The following USP47 variants were observed in gnomAD, a reference collection of about 807,000 sequenced individuals.
USP47 encodes ubiquitin carboxyl-terminal hydrolase 47.
In USP47, 35 loss-of-function variants were observed where a neutral mutation model predicts 165.1. The observed-to-expected ratio is 0.21, with a 90% CI of 0.16 to 0.28. USP47 has a LOEUF of 0.28. USP47 is among the 10% of genes least tolerant of loss of function. The pLI is 1.00. For missense variants in USP47, 1,277 were observed against 1,607.4 expected, an observed-to-expected ratio of 0.79 and a Z score of 3.52; for synonymous variants, 531 against 544.5, an observed-to-expected ratio of 0.98 and a Z score of 0.35.
At chr11:11,874,457 C>T (rs1249466308) in intron 1 of USP47, among the ~76,000 whole-genome samples, 2 of 151,554 alleles carry the variant, frequency 1.3e-5, no homozygotes, top group African/African-American at 4.9e-5. Context: ...AAGGGAGTAT[C>T]TTAAAAATAA....
chr11:11,867,213 A>G (rs1331025073), intron 1 of USP47, among the ~76,000 whole-genome samples: 1 of 152,132 alleles, frequency 6.6e-6, no homozygotes, highest in Non-Finnish European at 1.5e-5. Flanking sequence ...GACTACATGT[A>G]AATTCTTCTC....
intron 1 of USP47, among the ~76,000 whole-genome samples, chr11:11,866,793 T>C (rs1487508945): frequency 6.6e-6 from 1 of 152,206 alleles, no homozygotes; most frequent in Non-Finnish European, 1.5e-5. Flanking sequence ...GCTCCAGTCT[T>C]ATGGCCCACA....
chr11:11,870,087 T>C (rs1298836200), intron 1 of USP47, among the ~76,000 whole-genome samples: 1 of 151,750 alleles, frequency 6.6e-6, no homozygotes, highest in Non-Finnish European at 1.5e-5. Context: ...TTTTTTCCCC[T>C]CTGTTATCTT....
intron 8 of USP47, among the ~76,000 whole-genome samples, chr11:11,919,213 A>G (rs1853646705): frequency 2.0e-5 from 3 of 151,984 alleles, no homozygotes; most frequent in African/African-American, 4.8e-5. Flanking sequence ...TTTTGCAACT[A>G]CGACCATTAA....
intron 3 of USP47, among the ~76,000 whole-genome samples, chr11:11,891,585 A>T (rs966140759): frequency 6.6e-6 from 1 of 152,184 alleles, no homozygotes; most frequent in Non-Finnish European, 1.5e-5. Flanking sequence ...TGCTGCTTTT[A>T]TGTCCCTTAA....
intron 8 of USP47, 107 bp from the exon 9 acceptor site, chr11:11,920,049 C>A: frequency 1.3e-6 from 1 of 779,034 alleles, no homozygotes; most frequent in Non-Finnish European, 1.8e-6. Context: ...TCCTAAATTT[C>A]TAACCATTCT....
At chr11:11,860,159 A>T (rs961267913) in intron 1 of USP47, among the ~76,000 whole-genome samples, 19 of 132,184 alleles carry the variant, frequency 1.4e-4, no homozygotes, top group South Asian at 4.3e-4. Flanking sequence ...TTATTTATTT[A>T]TTTTTTTGAG....
chr11:11,895,825 C>T (rs1015220112), intron 4 of USP47, among the ~76,000 whole-genome samples: 1 of 152,082 alleles, frequency 6.6e-6, no homozygotes, highest in East Asian at 1.9e-4. Context: ...TTTGATTTCT[C>T]CTTCTTTAGT....
chr11:11,909,428 A>G (rs1341315110), intron 8 of USP47, among the ~76,000 whole-genome samples: 2 of 152,198 alleles, frequency 1.3e-5, no homozygotes, highest in African/African-American at 4.8e-5. Flanking sequence ...CTAGTAATAC[A>G]TAGAAATTAG....
chr11:11,954,777 T>C, intron 25 of USP47, 120 bp from the exon 26 acceptor site: 1 of 1,187,466 alleles, frequency 8.4e-7, no homozygotes, highest in African/African-American at 1.5e-5. Flanking sequence ...TTTTTCTTAA[T>C]TTTTTTACAT....
At chr11:11,931,331 T>C (rs1264764773) in intron 14 of USP47, among the ~76,000 whole-genome samples, 1 of 152,184 alleles carries the variant, frequency 6.6e-6, no homozygotes, top group Non-Finnish European at 1.5e-5. Context: ...GTACAAGGCT[T>C]AGGACTTACT....
At chr11:11,853,491 G>A (rs369690963) in intron 1 of USP47, among the ~76,000 whole-genome samples, 2 of 152,182 alleles carry the variant, frequency 1.3e-5, no homozygotes, top group East Asian at 1.9e-4. Context: ...CTTTCACATC[G>A]ACGTTCTTAA....
At chr11:11,854,066 T>C (rs540844120) in intron 1 of USP47, among the ~76,000 whole-genome samples, 4,015 of 120,766 alleles carry the variant, frequency 0.033, 141 homozygotes, top group Middle Eastern at 0.14. Context: ...ACCCAGAAGG[T>C]GGAGCTTGCA....
intron 8 of USP47, among the ~76,000 whole-genome samples, chr11:11,913,603 G>A (rs921740938): frequency 4.6e-5 from 7 of 152,034 alleles, no homozygotes; most frequent in Non-Finnish European, 1.0e-4. Context: ...AGTTACCAGA[G>A]GCTGGGAACA....
intron 18 of USP47, among the ~76,000 whole-genome samples, chr11:11,939,266 G>A (rs1307769102): frequency 6.6e-6 from 1 of 151,916 alleles, no homozygotes; most frequent in East Asian, 1.9e-4. Flanking sequence ...ATATTCCCTG[G>A]TGTAGTGGAA....
intron 2 of USP47, among the ~76,000 whole-genome samples, chr11:11,881,892 A>G (rs1349510561): frequency 1.3e-5 from 2 of 152,106 alleles, no homozygotes; most frequent in Non-Finnish European, 2.9e-5. Flanking sequence ...ATTAGGTTTC[A>G]GCATGTGAAT....
chr11:11,952,704 G>A (rs1235554389), intron 24 of USP47, 37 bp from the exon 25 acceptor site: 2 of 1,532,584 alleles, frequency 1.3e-6, no homozygotes, highest in East Asian at 2.5e-5. Flanking sequence ...AACCTTCAGA[G>A]GAAATAGAAT....
At chr11:11,887,046 A>AC (rs1214924235) in intron 3 of USP47, among the ~76,000 whole-genome samples, 3 of 152,152 alleles carry the variant, frequency 2.0e-5, no homozygotes, top group Non-Finnish European at 2.9e-5. Flanking sequence ...AGAATTCATC[A>AC]CCATTAGGCC....
intron 1 of USP47, among the ~76,000 whole-genome samples, chr11:11,879,138 A>T (rs997653837): frequency 6.6e-6 from 1 of 152,150 alleles, no homozygotes; most frequent in African/African-American, 2.4e-5. Context: ...GGAATATAAG[A>T]TTGGAAGAAG....
Sources: allele counts gnomAD v4.1 joint callset (sites outside exome capture counted in the v4.1 genomes callset), GRCh38; gene constraint gnomAD v4.1.1; transcripts MANE v1.5; gene names NCBI Gene and HGNC (gene_info 2026-07-23, HGNC 2026-07-21).